The following DOCK1 variants were observed in gnomAD, a reference collection of about 807,000 sequenced individuals.
DOCK1 encodes the protein dedicator of cytokinesis 1.
In DOCK1, 138 loss-of-function variants were observed where a neutral mutation model predicts 262.7. The observed-to-expected ratio is 0.53, with a 90% CI of 0.46 to 0.61. The LOEUF is 0.61. DOCK1 is among the 20% of genes least tolerant of loss of function. DOCK1 has a pLI of 0.00. For synonymous variants in DOCK1, 866 were observed against 867.4 expected (o/e 1.00, Z 0.03); for missense variants, 1,908 against 2,370.7 (o/e 0.80, Z 4.05).
chr10:127,034,028 A>C (rs936436639), intron 18 of DOCK1, among the ~76,000 whole-genome samples: 1 of 152,180 alleles, frequency 6.6e-6, no homozygotes, highest in African/African-American at 2.4e-5. Context: ...CTCCATGAGC[A>C]TATGAAAAGC....
rs549777859 is a variant in DOCK1, at chr10:126,977,455, C to T, written c.131-493C>T. Among the ~76,000 whole-genome samples, 76 of 152,186 alleles carry T rather than the reference C, an allele frequency of 5.0e-4. 4 individuals are homozygous for T. In the South Asian group the frequency reaches 0.016, roughly 32 times the overall value. On this transcript the variant is annotated intron_variant, in intron 2 of 51. Transcript: ENST00000623213. ...TTGCTACAGAAGTACTTTGTGAGGT[C>T]GTGGCTGCTCCAGGAAAAAGTGCCC...
At chr10:127,302,322 G>A (rs1173981715) in intron 29 of DOCK1, among the ~76,000 whole-genome samples, 1 of 152,106 alleles carries the variant, frequency 6.6e-6, no homozygotes, top group African/African-American at 2.4e-5. Context: ...TGCAGACCAG[G>A]TGGGACTGGA....
At chr10:127,153,709 C>T (rs1048190801) in intron 27 of DOCK1, 1 of 653,618 alleles carries the variant, frequency 1.5e-6, no homozygotes, top group Non-Finnish European at 2.7e-6. Flanking sequence ...TTAGAGGTAG[C>T]TTAGAATTAC....
At chr10:127,108,926 G>T (rs2048704132) in intron 24 of DOCK1, among the ~76,000 whole-genome samples, 1 of 152,092 alleles carries the variant, frequency 6.6e-6, no homozygotes, top group Non-Finnish European at 1.5e-5. Flanking sequence ...GCCAACCCGG[G>T]CTTTTTGAAT....
intron 51 of DOCK1, among the ~76,000 whole-genome samples, chr10:127,451,064 A>C (rs2070930007): frequency 6.6e-6 from 1 of 152,180 alleles, no homozygotes; most frequent in South Asian, 2.1e-4. Context: ...AGATTTAAAA[A>C]GGCCACGCAA....
intron 23 of DOCK1, among the ~76,000 whole-genome samples, chr10:127,101,727 G>C (rs1256050619): frequency 6.6e-6 from 1 of 152,162 alleles, no homozygotes; most frequent in African/African-American, 2.4e-5. Context: ...GGCCATAAAG[G>C]CCTGTCTTGT....
intron 19 of DOCK1, among the ~76,000 whole-genome samples, chr10:127,038,594 G>A (rs538261180): frequency 1.7e-4 from 26 of 152,256 alleles, no homozygotes; most frequent in African/African-American, 6.0e-4. Flanking sequence ...TCTGTGGTGT[G>A]GTAGAAAGAT....
intron 27 of DOCK1, among the ~76,000 whole-genome samples, chr10:127,164,224 C>T (rs1284214514): frequency 1.7e-5 from 2 of 118,400 alleles, no homozygotes; most frequent in Non-Finnish European, 3.3e-5. Flanking sequence ...TGCTCTGTCA[C>T]CCAGGCTGGA....
intron 27 of DOCK1, chr10:127,135,905 A>G (rs1436172222): frequency 6.6e-6 from 1 of 152,668 alleles, no homozygotes; most frequent in South Asian, 2.1e-4. Context: ...CTTGTTGGAA[A>G]CATTTTTATA....
chr10:127,076,569 A>T lies in DOCK1; in HGVS notation c.2445+14793A>T, dbSNP rs192506152. On this transcript the variant is annotated intron_variant, in intron 23 of 51. Coordinates refer to ENST00000623213, the MANE Select transcript of DOCK1 (RefSeq NM_001290223.2). ...CGTAAACCTTGGTGAGGACCTTGGA[A>T]TTCAAGGTGAAAGGCAGAGTGTGCC... Among the ~76,000 whole-genome samples the T allele has an allele frequency of 1.5e-3, 233 of 152,330 alleles. 2 individuals are homozygous for T. The highest frequency in any genetic ancestry group is 5.4e-3 in the African/African-American group (225 of 41,592).
intron 11 of DOCK1, 103 bp downstream of exon 11, chr10:127,008,907 G>T: frequency 8.8e-7 from 1 of 1,130,796 alleles, no homozygotes. Flanking sequence ...ACTAAGGATT[G>T]ATTATTTTGT....
At chr10:126,918,148 T>C (rs1162988648) in intron 1 of DOCK1, among the ~76,000 whole-genome samples, 1 of 151,910 alleles carries the variant, frequency 6.6e-6, no homozygotes, top group Non-Finnish European at 1.5e-5. Context: ...GCCAGTGCAG[T>C]GGGGCTCCGC....
intron 27 of DOCK1, among the ~76,000 whole-genome samples, chr10:127,238,620 T>C (rs1418580088): frequency 6.6e-6 from 1 of 152,192 alleles, no homozygotes; most frequent in Admixed American, 6.5e-5. Flanking sequence ...CTACATTTGT[T>C]TGTTGTCATC....
intron 10 of DOCK1, among the ~76,000 whole-genome samples, chr10:127,001,877 T>C (rs2040618325): frequency 6.6e-6 from 1 of 152,184 alleles, no homozygotes; most frequent in South Asian, 2.1e-4. Flanking sequence ...TTCTGTCTTT[T>C]TGTTTTTATG....
intron 4 of DOCK1, among the ~76,000 whole-genome samples, chr10:126,984,906 T>A (rs534003730): frequency 2.6e-5 from 4 of 151,980 alleles, no homozygotes; most frequent in Non-Finnish European, 4.4e-5. Flanking sequence ...GTTGAACTTA[T>A]TCCTTCTGTC....
At chr10:127,030,845 T>TCA (rs144105568) in intron 16 of DOCK1, among the ~76,000 whole-genome samples, 50 of 151,636 alleles carry the variant, frequency 3.3e-4, no homozygotes, top group Admixed American at 2.8e-3. Context: ...TGTCTCTCTG[T>TCA]CACACACACA....
chr10:126,908,785 T>C (rs2031323242), intron 1 of DOCK1, among the ~76,000 whole-genome samples: 1 of 152,168 alleles, frequency 6.6e-6, no homozygotes, highest in Admixed American at 6.5e-5. Flanking sequence ...GCTGTCACAC[T>C]GGCCAGATGA....
intron 38 of DOCK1, among the ~76,000 whole-genome samples, chr10:127,398,917 G>A (rs1310867455): frequency 6.6e-6 from 1 of 152,168 alleles, no homozygotes; most frequent in Non-Finnish European, 1.5e-5. Flanking sequence ...TTCCTGCTGT[G>A]TTCTCTACAG....
At position 127,281,233 on chromosome 10, in the gene DOCK1, G is replaced by A. The variant is rs558054683; in HGVS notation, c.3044+23804G>A. On this transcript the variant is annotated intron_variant, in intron 29 of 51. Transcript: ENST00000623213. ...AGCTCGGGCTTTCCTAAAATGCATT[G>A]CCAAAATCATAATTGGTAGAAAGTT... is the stretch of plus-strand genomic sequence containing the variant. 2.6e-5 allele frequency among the ~76,000 whole-genome samples: 4 copies of A among 152,314 alleles called. No individual in the cohort carries two copies. The South Asian group carries it at 8.3e-4, about 32-fold the overall frequency.
Sources: allele counts gnomAD v4.1 joint callset (sites outside exome capture counted in the v4.1 genomes callset), GRCh38; gene constraint gnomAD v4.1.1; transcripts MANE v1.5; gene names NCBI Gene and HGNC (gene_info 2026-07-23, HGNC 2026-07-21).